Variants in SNED1 observed in about 807,000 individuals in gnomAD.
SNED1 encodes the protein sushi, nidogen and EGF-like domain-containing protein 1.
SNED1 carries 81 observed loss-of-function variants against 166.7 expected under a neutral mutation model. The observed-to-expected ratio is 0.49, with a 90% confidence interval of 0.41 to 0.58. The LOEUF is 0.58. SNED1 is among the 20% of genes least tolerant of loss of function. SNED1 has a pLI of 0.00. For synonymous variants in SNED1, 762 were observed against 822.0 expected, an observed-to-expected ratio of 0.93 and a Z score of 1.25; for missense variants, 1,604 against 2,000.2, an observed-to-expected ratio of 0.80 and a Z score of 3.78.
In SNED1 at chr2:241,049,909, T is replaced by G. The variant is rs1574985986; in HGVS notation, c.1711T>G (p.Phe571Val). The G allele has an allele frequency of 6.2e-7, 1 of 1,613,616 alleles. No individual in the cohort carries two copies. Among genetic ancestry groups the G allele is most frequent in the South Asian group, 1.1e-5 (1 of 91,084 alleles). ...CTACACCTGCGAGTGCCCGCGCGGGTTCCACGGCAAGCACTGCGAGAAAGG... is the reference window on the plus strand; with the variant it reads ...CTACACCTGCGAGTGCCCGCGCGGGGTCCACGGCAAGCACTGCGAGAAAGG... ...DSYTCECPRG[F>V]HGKHCEKARP... Residue 571 changes from phenylalanine (F) to valine (V), a missense_variant, in exon 12 of 32, where the codon TTC becomes GTC. Phe to Val is a conservative substitution (Grantham distance 50). This residue lies in a region of SNED1 where 1,237 missense variants were observed against 1,620.8 expected (regional missense o/e 0.76). Coordinates refer to ENST00000310397, the MANE Select transcript of SNED1 (RefSeq NM_001080437.3).
intron 1 of SNED1, chr2:241,009,935 T>C (rs1175085593): frequency 6.6e-6 from 1 of 152,204 alleles, no homozygotes; most frequent in Non-Finnish European, 1.5e-5. Context: ...GACCATCCCC[T>C]TCAGCCCCGG....
At chr2:241,059,030 T>C (rs1389074150) in intron 16 of SNED1, among the ~76,000 whole-genome samples, 1 of 151,846 alleles carries the variant, frequency 6.6e-6, no homozygotes, top group Non-Finnish European at 1.5e-5. Context: ...AAGATCAAAA[T>C]AGAAAAGGAG....
chr2:241,053,193 A>G lies in SNED1; in HGVS notation c.2124A>G (p.Thr708=), dbSNP rs1422375591. The G allele has an allele frequency of 1.9e-6, 3 of 1,611,074 alleles. No homozygotes were observed. The highest frequency in any genetic ancestry group is 1.3e-5 in the African/African-American group (1 of 74,912). ...CGPPEEVKHA[T]LRFNGTRLGA... Reference sequence around the variant, plus strand: ...CCCCGGAGGAGGTGAAGCACGCCACACTGCGCTTCAACGGCACGCGGCTGG... The same window carrying G: ...CCCCGGAGGAGGTGAAGCACGCCACGCTGCGCTTCAACGGCACGCGGCTGG... Residue 708 remains threonine, a synonymous_variant, in exon 16 of 32, where the codon ACA becomes ACG. Coordinates refer to ENST00000310397, the MANE Select transcript of SNED1 (RefSeq NM_001080437.3).
chr2:241,039,983 G>A, intron 6 of SNED1, 92 bp from the exon 7 acceptor site: 1 of 1,013,076 alleles, frequency 9.9e-7, no homozygotes, highest in African/African-American at 1.6e-5. Flanking sequence ...AGCCAGTTGG[G>A]GGTGGGGCTC....
intron 16 of SNED1, among the ~76,000 whole-genome samples, chr2:241,058,773 AC>A (rs1166538278): frequency 1.3e-5 from 2 of 152,106 alleles, no homozygotes; most frequent in African/African-American, 4.8e-5. Flanking sequence ...ACACGGTGAA[AC>A]CCCGTCTCTA....
upstream of SNED1, among the ~76,000 whole-genome samples, chr2:240,998,372 G>C (rs996673604): frequency 2.6e-5 from 4 of 152,202 alleles, no homozygotes; most frequent in Non-Finnish European, 5.9e-5. Flanking sequence ...GTCTGTCCCA[G>C]GACGGCACTG....
Position 240,998,865 on chromosome 2 carries a change from C to CT in SNED1, c.29dup (p.Val11GlyfsTer179). 1 of 1,209,838 alleles carries CT rather than the reference C, an allele frequency of 8.3e-7. No homozygotes were observed. Among genetic ancestry groups the CT allele is most frequent in the Non-Finnish European group, 1.0e-6 (1 of 976,574 alleles). 74.9% of individuals were successfully genotyped at this position (1,209,838 alleles called of 1,614,324 possible). ...GCGGCACGGCGTCGCCTGGGCGCTG[C>CT]TGGTGGCCGCGGCCCTGGGGCTTGG... On this transcript the variant is annotated frameshift_variant, in exon 1 of 32. Transcript: ENST00000310397. LOFTEE classifies it high-confidence loss of function.
intron 17 of SNED1, chr2:241,063,278 C>T (rs1458537035): frequency 1.2e-5 from 6 of 495,678 alleles, no homozygotes; most frequent in East Asian, 3.8e-5. Context: ...GCCTGAGAAA[C>T]GCAGGCTCCA....
At chr2:241,004,158 A>G (rs4553820) in intron 1 of SNED1, among the ~76,000 whole-genome samples, 53,086 of 152,146 alleles carry the variant, frequency 0.35, 10,263 homozygotes, top group African/African-American at 0.51. Context: ...AAGGAGATGT[A>G]TATAGGTAGT....
chr2:241,052,670 CAGGCAGG>C (rs1559269436), intron 15 of SNED1, among the ~76,000 whole-genome samples: 2 of 47,948 alleles, frequency 4.2e-5, no homozygotes, highest in Non-Finnish European at 3.5e-5. Context: ...ACACCGGTGC[CAGGCAGG>C]TGAGAGGGTC....
In SNED1 at chr2:241,073,347, G is replaced by A; in HGVS notation, c.3899G>A (p.Gly1300Asp). 1 of 1,572,424 alleles carries A rather than the reference G, an allele frequency of 6.4e-7. No homozygotes were observed. The highest frequency in any genetic ancestry group is 8.6e-7 in the Non-Finnish European group (1 of 1,160,008). ...CTGGCCCTCCAGCTCCCTGAACACG[G>A]CAGCAAGGACATCGGAAGTGAGTCA... ...VSLALQLPEH[G>D]SKDIGNVPGN... Residue 1300 changes from glycine to aspartate, a missense_variant, in exon 27 of 32, where the codon GGC (glycine) becomes GAC (aspartate). Around this residue, in one of 2 missense-constraint regions of SNED1, gnomAD observed 367 missense variants for 379.4 expected, o/e 0.97. Coordinates refer to ENST00000310397, the MANE Select transcript of SNED1 (RefSeq NM_001080437.3). This position sits in a 1 kb window ranked among gnomAD's most constrained non-coding sequence, Gnocchi z 6.6.
In SNED1 at chr2:241,052,128, C is replaced by T. The variant is rs753541097; in HGVS notation, c.1940C>T (p.Pro647Leu). The T allele has an allele frequency of 6.2e-7, 1 of 1,613,920 alleles. No homozygotes were observed. Among genetic ancestry groups the T allele is most frequent in the Non-Finnish European group, 8.5e-7 (1 of 1,179,856 alleles). The change falls in exon 14 of 32, where the codon CCA becomes CTA. Residue 647 changes from proline (P) to leucine (L), a missense_variant. Physicochemically the swap from Pro to Leu is moderately conservative, Grantham distance 98 (BLOSUM62 -3). Around this residue, in one of 2 missense-constraint regions of SNED1, gnomAD observed 1,237 missense variants for 1,620.8 expected, o/e 0.76. Transcript: ENST00000310397. ...YIGKYKCDCP[P>L]GFSGRHCEIA... ...GGCAAATACAAGTGTGACTGTCCCC[C>T]AGGCTTCTCCGGGCGGCACTGCGAG...
chr2:241,082,305 A>T lies in SNED1; in HGVS notation c.4062A>T (p.Thr1354=). ...LACIKVSRPC[T]RLFSETKAFP... is the part of the protein sequence containing the mutation. ...GTATAAAGGTGTCCCGCCCCTGCACAAGGCTGTTCTCCGAGACAAAGGCCT... is the reference window on the plus strand; with the variant it reads ...GTATAAAGGTGTCCCGCCCCTGCACTAGGCTGTTCTCCGAGACAAAGGCCT... Residue 1354 remains threonine, a synonymous_variant, in exon 29 of 32, where the codon ACA becomes ACT. Coordinates refer to ENST00000310397, the MANE Select transcript of SNED1 (RefSeq NM_001080437.3). The T allele has an allele frequency of 6.2e-7, 1 of 1,613,448 alleles. No homozygotes were observed. Among genetic ancestry groups the T allele is most frequent in the Non-Finnish European group, 8.5e-7 (1 of 1,179,460 alleles).
At chr2:241,072,781 G>A (rs112345531) in intron 26 of SNED1, 9 of 189,934 alleles carry the variant, frequency 4.7e-5, no homozygotes, top group South Asian at 1.0e-4. Context: ...CTATGGAAGC[G>A]GATATGAAGT....
Position 241,053,215 on chromosome 2 carries a change from C to T in SNED1, c.2146C>T (p.Leu716=). 1 of 1,609,584 alleles carries T rather than the reference C, an allele frequency of 6.2e-7. No homozygotes were observed. Among genetic ancestry groups the T allele is most frequent in the Non-Finnish European group, 8.5e-7 (1 of 1,179,424 alleles). Residue 716 remains leucine (L), a synonymous_variant, in exon 16 of 32, where the codon CTG becomes TTG. Coordinates refer to ENST00000310397, the MANE Select transcript of SNED1 (RefSeq NM_001080437.3). ...HATLRFNGTR[L]GAVALYACDR... ...CACACTGCGCTTCAACGGCACGCGG[C>T]TGGGCGCGGTGGCCCTGTATGCATG... is the stretch of plus-strand genomic sequence containing the variant.
chr2:241,086,215 T>C (rs772849610), intron 29 of SNED1, among the ~76,000 whole-genome samples: 2 of 152,224 alleles, frequency 1.3e-5, no homozygotes, highest in Non-Finnish European at 2.9e-5. Flanking sequence ...CTCTCTACTC[T>C]GGCTCTGGAA....
chr2:240,997,845 G>T (rs187753806), upstream of SNED1, among the ~76,000 whole-genome samples: 1 of 152,192 alleles, frequency 6.6e-6, no homozygotes, highest in Non-Finnish European at 1.5e-5. Context: ...AGGTGGTCCC[G>T]GCTGAGGCCC....
intron 16 of SNED1, among the ~76,000 whole-genome samples, chr2:241,059,984 T>C (rs2062179529): frequency 6.6e-6 from 1 of 151,910 alleles, no homozygotes; most frequent in African/African-American, 2.4e-5. Flanking sequence ...GCATAGAAAA[T>C]CCTAAGGAAA....
At position 241,048,651 on chromosome 2, in the gene SNED1, C is replaced by T; in HGVS notation, c.1400-11C>T. On this transcript the variant is annotated splice_polypyrimidine_tract_variant and intron_variant, in intron 9 of 31. Coordinates refer to ENST00000310397, the MANE Select transcript of SNED1 (RefSeq NM_001080437.3). ...CCCCACATGGGAGGCTCCTCCCTCT[C>T]TTCGTGGCAGGAGTCCCCGATGACT... 6.2e-7 allele frequency: 1 copy of T among 1,601,338 alleles called. No homozygotes were observed. The highest frequency in any genetic ancestry group is 1.7e-5 in the Admixed American group (1 of 58,078).
Sources: gnomAD v4.1 joint callset for allele counts (sites outside exome capture counted in the v4.1 genomes callset) on GRCh38, gnomAD v4.1.1 for gene constraint, gnomAD v4.1.1 regional missense constraint, Gnocchi (gnomAD v3.1) non-coding constraint, MANE v1.5 for transcripts, NCBI Gene and HGNC (gene_info 2026-07-23, HGNC 2026-07-21) for gene names.